The following GMDS variants were observed in gnomAD, a reference collection of about 807,000 sequenced individuals.
GMDS encodes the protein GDP-mannose 4,6-dehydratase.
Under a neutral mutation model 49.9 loss-of-function variants are expected in GMDS, and 20 were observed. The ratio of observed to expected loss-of-function variants is 0.40; its 90% CI spans 0.28 to 0.58. The LOEUF is 0.58. Ranked by LOEUF, GMDS falls within the 20% of genes least tolerant of loss-of-function variation. The pLI is 0.42. For synonymous variants in GMDS, 177 were observed against 178.6 expected (o/e 0.99, Z 0.07); for missense variants, 362 against 481.4 (o/e 0.75, Z 2.32).
chr6:1,717,128 A>C (rs138884243), intron 9 of GMDS, among the ~76,000 whole-genome samples: 16 of 152,348 alleles, frequency 1.1e-4, no homozygotes, highest in African/African-American at 3.8e-4. Flanking sequence ...TCAACAAGGA[A>C]GGTGGCTTTG....
intron 7 of GMDS, among the ~76,000 whole-genome samples, chr6:1,876,425 TATA>T (rs1759066703): frequency 6.6e-6 from 1 of 152,228 alleles, no homozygotes; most frequent in Non-Finnish European, 1.5e-5. Flanking sequence ...ATCCTTACGA[TATA>T]ATAACTAGGC....
intron 4 of GMDS, among the ~76,000 whole-genome samples, chr6:2,071,025 A>G (rs1372900769): frequency 6.6e-6 from 1 of 152,066 alleles, no homozygotes; most frequent in African/African-American, 2.4e-5. Context: ...CAGAAACCCT[A>G]AACAACAGAA....
At chr6:1,772,884 C>T (rs1486778674) in intron 7 of GMDS, among the ~76,000 whole-genome samples, 1 of 152,152 alleles carries the variant, frequency 6.6e-6, no homozygotes, top group African/African-American at 2.4e-5. Flanking sequence ...GTTTAATATT[C>T]CTCATGCTTA....
At chr6:1,757,163 C>G (rs1561785108) in intron 7 of GMDS, among the ~76,000 whole-genome samples, 1 of 152,236 alleles carries the variant, frequency 6.6e-6, no homozygotes, top group Non-Finnish European at 1.5e-5. Context: ...TAAGCTCCAT[C>G]TATCTTTAAC....
At chr6:2,015,271 T>C (rs1240914310) in intron 4 of GMDS, among the ~76,000 whole-genome samples, 4 of 152,032 alleles carry the variant, frequency 2.6e-5, no homozygotes, top group African/African-American at 9.7e-5. Context: ...CATAAAACAT[T>C]TACTAAGATA....
chr6:1,781,739 A>G (rs3823270), intron 7 of GMDS, among the ~76,000 whole-genome samples: 1,620 of 152,226 alleles, frequency 0.011, 36 homozygotes, highest in East Asian at 0.086. Context: ...CTTTCAACTT[A>G]GTACTGAAAG....
chr6:1,881,029 C>A (rs1759337445), intron 7 of GMDS, among the ~76,000 whole-genome samples: 2 of 152,068 alleles, frequency 1.3e-5, no homozygotes, highest in African/African-American at 2.4e-5. Flanking sequence ...TAATAGACTG[C>A]ACCAAAAGTA....
At chr6:1,871,735 T>A (rs190871569) in intron 7 of GMDS, among the ~76,000 whole-genome samples, 126 of 152,354 alleles carry the variant, frequency 8.3e-4, no homozygotes, top group African/African-American at 2.9e-3. Flanking sequence ...TTATGATGTA[T>A]TCTTGTAAGG....
At chr6:2,153,291 TA>T (rs1259396799) in intron 1 of GMDS, among the ~76,000 whole-genome samples, 4 of 152,102 alleles carry the variant, frequency 2.6e-5, no homozygotes. Context: ...GGGAATATTT[TA>T]AGAAGGACAC....
chr6:1,642,153 CTTTTTTTTTTTT>C (rs543577735), intron 9 of GMDS, among the ~76,000 whole-genome samples: 2 of 110,762 alleles, frequency 1.8e-5, no homozygotes, highest in Non-Finnish European at 3.5e-5. Flanking sequence ...CAGTTTCCAT[CTTTTTTTTTTTT>C]TTTTTTTTTT....
At chr6:1,751,979 T>C (rs9391929) in intron 7 of GMDS, among the ~76,000 whole-genome samples, 63,977 of 151,816 alleles carry the variant, frequency 0.42, 14,066 homozygotes, top group East Asian at 0.65. Flanking sequence ...CCTCTTCTCC[T>C]CCAAAGGATC....
intron 1 of GMDS, among the ~76,000 whole-genome samples, chr6:2,171,022 C>A (rs1777980200): frequency 6.6e-6 from 1 of 151,910 alleles, no homozygotes; most frequent in Admixed American, 6.6e-5. Flanking sequence ...ACTCTAAAAA[C>A]AAGTATGTAT....
chr6:2,243,843 C>CTTTTTTTTTTTTTTT lies in GMDS; in HGVS notation c.102+1463_102+1477dup, dbSNP rs68171156. On this transcript the variant is annotated intron_variant, in intron 1 of 10. Transcript: ENST00000380815. Reference sequence around the variant, plus strand: ...ATCTGGCCAATTTCAACTTCTCCTTCTTTTTTTTTTTTTTTTTTTTTTTTT... The same window carrying CTTTTTTTTTTTTTTT: ...ATCTGGCCAATTTCAACTTCTCCTTCTTTTTTTTTTTTTTTTTTTTTTTTTTTTTTTTTTTTTTTT... 5.2e-5 allele frequency among the ~76,000 whole-genome samples: 3 copies of CTTTTTTTTTTTTTTT among 58,114 alleles called. 1 individual carries two copies. The highest frequency in any genetic ancestry group is 1.8e-4 in the African/African-American group (3 of 16,638). 38.1% of individuals were successfully genotyped at this position (58,114 alleles called of 152,430 possible).
chr6:1,729,983 G>C (rs75917275), intron 8 of GMDS, among the ~76,000 whole-genome samples: 1 of 152,228 alleles, frequency 6.6e-6, no homozygotes, highest in African/African-American at 2.4e-5. Flanking sequence ...TAAGTTGGTG[G>C]GGGCGGGGGA....
At chr6:2,215,031 C>G (rs1323247009) in intron 1 of GMDS, among the ~76,000 whole-genome samples, 1 of 152,148 alleles carries the variant, frequency 6.6e-6, no homozygotes, top group Non-Finnish European at 1.5e-5. Context: ...CACCCCACAT[C>G]AAGAAAAATC....
At chr6:2,036,082 A>G (rs1769290277) in intron 4 of GMDS, among the ~76,000 whole-genome samples, 1 of 152,202 alleles carries the variant, frequency 6.6e-6, no homozygotes, top group African/African-American at 2.4e-5. Context: ...TGCACCTCTA[A>G]GAATTAGATG....
At chr6:1,777,322 T>C (rs1313741993) in intron 7 of GMDS, among the ~76,000 whole-genome samples, 1 of 152,258 alleles carries the variant, frequency 6.6e-6, no homozygotes, top group Non-Finnish European at 1.5e-5. Context: ...CACTGCTTCC[T>C]TAATGTTCAT....
rs1285344324 is a variant in GMDS, at chr6:1,775,026, GACA to G, written c.772-32443_772-32441del. The stretch of plus-strand genomic sequence containing the variant: ...GATTCCGAAAGACAAGTCTGTTAGA[GACA>G]ACAACTTAATAAAATCTGTAACAGC... On this transcript the variant is annotated intron_variant, in intron 7 of 10. Coordinates refer to ENST00000380815, the MANE Select transcript of GMDS (RefSeq NM_001500.4). Among the ~76,000 whole-genome samples the G allele has an allele frequency of 1.4e-4, 21 of 152,292 alleles. No individual in the cohort carries two copies. The South Asian group carries it at 3.9e-3, about 29-fold the overall frequency.
chr6:2,187,463 C>T (rs1387712325), intron 1 of GMDS, among the ~76,000 whole-genome samples: 2 of 152,134 alleles, frequency 1.3e-5, no homozygotes, highest in Non-Finnish European at 2.9e-5. Flanking sequence ...AGACAAAATG[C>T]AAAATGGAAG....
Sources: allele counts gnomAD v4.1 joint callset (sites outside exome capture counted in the v4.1 genomes callset), GRCh38; gene constraint gnomAD v4.1.1; transcripts MANE v1.5; gene names NCBI Gene and HGNC (gene_info 2026-07-23, HGNC 2026-07-21).